The following CDKAL1 variants were observed in gnomAD, a reference collection of about 807,000 sequenced individuals.
CDKAL1 encodes the protein threonylcarbamoyladenosine tRNA methylthiotransferase.
CDKAL1 carries 32 observed loss-of-function variants against 68.2 expected under a neutral mutation model. That is an observed-to-expected ratio of 0.47 (90% CI 0.35 to 0.63). The LOEUF (loss-of-function observed/expected upper bound fraction) is 0.63. Ranked by LOEUF, CDKAL1 falls within the 30% of genes least tolerant of loss-of-function variation. The pLI is 0.00. For missense variants in CDKAL1, 606 were observed against 696.7 expected, an observed-to-expected ratio of 0.87 and a Z score of 1.47; for synonymous variants, 234 against 244.3, an observed-to-expected ratio of 0.96 and a Z score of 0.39.
At chr6:21,174,726 C>CTT in intron 13 of CDKAL1, among the ~76,000 whole-genome samples, 1 of 106,582 alleles carries the variant, frequency 9.4e-6, no homozygotes, top group Non-Finnish European at 1.8e-5. Flanking sequence ...TTTTGGAGGG[C>CTT]AATTTAACTA....
At chr6:20,875,549 G>T (rs1403781474) in intron 9 of CDKAL1, among the ~76,000 whole-genome samples, 1 of 152,092 alleles carries the variant, frequency 6.6e-6, no homozygotes, top group African/African-American at 2.4e-5. Flanking sequence ...GGGGAGGGGG[G>T]TTGGAAGATT....
chr6:20,976,066 C>T (rs1336009841), intron 10 of CDKAL1, among the ~76,000 whole-genome samples: 1 of 152,156 alleles, frequency 6.6e-6, no homozygotes, highest in African/African-American at 2.4e-5. Context: ...ACAACCCCTG[C>T]TCTTTTTACT....
intron 8 of CDKAL1, among the ~76,000 whole-genome samples, chr6:20,808,709 T>C (rs1776673685): frequency 6.6e-6 from 1 of 152,068 alleles, no homozygotes; most frequent in Non-Finnish European, 1.5e-5. Flanking sequence ...TGGGATTGGA[T>C]GTATGTATTA....
intron 6 of CDKAL1, among the ~76,000 whole-genome samples, chr6:20,751,852 A>T (rs1773935812): frequency 6.6e-6 from 1 of 152,136 alleles, no homozygotes; most frequent in African/African-American, 2.4e-5. Context: ...TATTTATTTT[A>T]TTTGAATTAC....
intron 9 of CDKAL1, among the ~76,000 whole-genome samples, chr6:20,903,690 A>G (rs1168845815): frequency 2.0e-5 from 3 of 152,364 alleles, no homozygotes; most frequent in East Asian, 3.9e-4. Context: ...GGAACAAATG[A>G]AACTGAAGCC....
chr6:21,201,002 T>C lies in CDKAL1; in HGVS notation c.1384-108T>C, dbSNP rs1468494743. 5 of 976,534 alleles carry C rather than the reference T, an allele frequency of 5.1e-6. No individual in the cohort carries two copies. In the African/African-American group the frequency reaches 8.2e-5, roughly 16 times the overall value. The allele number at this position is 976,534 out of a possible 1,614,324, so 60.5% of individuals were successfully genotyped here. ...TAATAAGAAAACTGGGAGTTAGGTA[T>C]ACAGGAGCTCTCCATACTATCTTTG... On this transcript the variant is annotated intron_variant, in intron 14 of 15. Coordinates refer to ENST00000274695, the MANE Select transcript of CDKAL1 (RefSeq NM_017774.3).
intron 4 of CDKAL1, among the ~76,000 whole-genome samples, chr6:20,589,367 C>T (rs1367078117): frequency 6.6e-6 from 1 of 152,166 alleles, no homozygotes; most frequent in African/African-American, 2.4e-5. Context: ...CACACATGTT[C>T]TGCACGTTCT....
In CDKAL1 at chr6:21,120,990, A is replaced by T. The variant is rs140242350; in HGVS notation, c.1299+12527A>T. On this transcript the variant is annotated intron_variant, in intron 13 of 15. Coordinates refer to ENST00000274695, the MANE Select transcript of CDKAL1 (RefSeq NM_017774.3). ...TAAATTCCTAGAAGTGAATATCTAG[A>T]TATTAGATGTGTACATATTAAATCA... 3.3e-3 allele frequency among the ~76,000 whole-genome samples: 504 copies of T among 152,270 alleles called. 3 individuals carry two copies. Among genetic ancestry groups the T allele is most frequent in the African/African-American group, 0.012 (492 of 41,540 alleles).
At chr6:21,129,482 G>A (rs184020776) in intron 13 of CDKAL1, among the ~76,000 whole-genome samples, 3 of 151,836 alleles carry the variant, frequency 2.0e-5, no homozygotes, top group Non-Finnish European at 2.9e-5. Context: ...TGGTAAGAAG[G>A]CTCAAAAAGC....
chr6:20,787,269 A>AT (rs148378083), intron 8 of CDKAL1, among the ~76,000 whole-genome samples: 3 of 151,998 alleles, frequency 2.0e-5, no homozygotes, highest in Non-Finnish European at 4.4e-5. Context: ...TTTAAAAAGC[A>AT]TTTTTTTCCC....
At chr6:20,815,643 G>C (rs1303547025) in intron 8 of CDKAL1, among the ~76,000 whole-genome samples, 5 of 150,518 alleles carry the variant, frequency 3.3e-5, no homozygotes, top group Non-Finnish European at 5.9e-5. Flanking sequence ...ATCTTTATTG[G>C]ATTTTGTTCT....
At position 20,744,486 on chromosome 6, in the gene CDKAL1, A is replaced by C. The variant is rs1420571665; in HGVS notation, c.468+4871A>C. 2.6e-5 allele frequency among the ~76,000 whole-genome samples: 4 copies of C among 152,134 alleles called. No individual in the cohort carries two copies. The South Asian group carries it at 6.2e-4, about 24-fold the overall frequency. On this transcript the variant is annotated intron_variant, in intron 6 of 15. Transcript: ENST00000274695. Reference sequence around the variant, plus strand: ...AAAATCGTCCCAGATCCCTGTCCTCACTGAGCTTACGTTCTGGTTCTTAGG... The same window carrying C: ...AAAATCGTCCCAGATCCCTGTCCTCCCTGAGCTTACGTTCTGGTTCTTAGG...
chr6:20,785,832 A>C (rs1775649239), intron 8 of CDKAL1, among the ~76,000 whole-genome samples: 1 of 152,204 alleles, frequency 6.6e-6, no homozygotes, highest in Non-Finnish European at 1.5e-5. Flanking sequence ...CATTTGTAGC[A>C]ACTTTTATTG....
chr6:20,639,493 C>T (rs773890022), intron 4 of CDKAL1, among the ~76,000 whole-genome samples: 83 of 152,258 alleles, frequency 5.5e-4, no homozygotes, highest in Middle Eastern at 3.4e-3. Flanking sequence ...GTTCTCCCAG[C>T]GCTCCAACCC....
At chr6:20,547,617 G>T (rs993617468) in intron 3 of CDKAL1, among the ~76,000 whole-genome samples, 1 of 152,108 alleles carries the variant, frequency 6.6e-6, no homozygotes, top group East Asian at 1.9e-4. Flanking sequence ...TGCTTATTTT[G>T]TTGGGAAACT....
At chr6:21,214,171 G>A (rs1430508936) in intron 15 of CDKAL1, among the ~76,000 whole-genome samples, 1 of 152,160 alleles carries the variant, frequency 6.6e-6, no homozygotes, top group Non-Finnish European at 1.5e-5. Context: ...GGAGCTGGGC[G>A]TGGAGATGGG....
Position 20,707,358 on chromosome 6 carries a change from A to G in CDKAL1, c.372-32161A>G, listed in dbSNP as rs1771648462. Among the ~76,000 whole-genome samples the G allele has an allele frequency of 2.0e-5, 3 of 152,232 alleles. No homozygotes were observed. In the South Asian group the frequency reaches 6.2e-4, roughly 32 times the overall value. Reference sequence around the variant, plus strand: ...TTGACTACTGGGTGTTTGAAGTAAGAAAACAAATCCTTTTAAAAGTTATTA... The same window carrying G: ...TTGACTACTGGGTGTTTGAAGTAAGGAAACAAATCCTTTTAAAAGTTATTA... On this transcript the variant is annotated intron_variant, in intron 5 of 15. Coordinates refer to ENST00000274695, the MANE Select transcript of CDKAL1 (RefSeq NM_017774.3).
chr6:21,155,445 G>A lies in CDKAL1; in HGVS notation c.1300-42576G>A, dbSNP rs191712403. On this transcript the variant is annotated intron_variant, in intron 13 of 15. Transcript: ENST00000274695. ...ACATGGAAGGAGAAGGGGCATAGCC[G>A]TGACAGGAAGGGGAAGGAATTTGAT... 8.5e-5 allele frequency among the ~76,000 whole-genome samples: 13 copies of A among 152,290 alleles called. No individual in the cohort carries two copies. The East Asian group carries it at 1.7e-3, about 20-fold the overall frequency.
Position 20,600,758 on chromosome 6 carries a change from A to AT in CDKAL1, c.287-48534dup, listed in dbSNP as rs1309532017. Reference sequence around the variant, plus strand: ...TTAAAAAACCTGGATGGAGAGAGAGATATATATGTATACATATATATATAT... The same window carrying AT: ...TTAAAAAACCTGGATGGAGAGAGAGATTATATATGTATACATATATATATAT... On this transcript the variant is annotated intron_variant, in intron 4 of 15. Coordinates refer to ENST00000274695, the MANE Select transcript of CDKAL1 (RefSeq NM_017774.3). 3.0e-5 allele frequency among the ~76,000 whole-genome samples: 4 copies of AT among 134,438 alleles called. No individual in the cohort carries two copies. The South Asian group carries it at 7.1e-4, about 24-fold the overall frequency. 88.2% of individuals were successfully genotyped at this position (134,438 alleles called of 152,430 possible).
Sources: gnomAD v4.1 joint callset for allele counts (sites outside exome capture counted in the v4.1 genomes callset) on GRCh38, gnomAD v4.1.1 for gene constraint, MANE v1.5 for transcripts, NCBI Gene and HGNC (gene_info 2026-07-23, HGNC 2026-07-21) for gene names.